JAK1: variants seen among roughly 807,000 people sequenced by gnomAD.
JAK1 encodes Janus kinase 1.
In JAK1, 16 loss-of-function variants were observed where a neutral mutation model predicts 136.6. The observed-to-expected ratio is 0.12, with a 90% CI of 0.08 to 0.18. The LOEUF is 0.18. JAK1 is among the 10% of genes least tolerant of loss of function. The pLI, the probability that JAK1 is intolerant of heterozygous loss-of-function variation, is 1.00. For missense variants in JAK1, 859 were observed against 1,450.1 expected, an observed-to-expected ratio of 0.59 and a Z score of 6.62; for synonymous variants, 492 against 519.5, an observed-to-expected ratio of 0.95 and a Z score of 0.72.
At chr1:64,891,237 G>C (rs1255509933) in intron 1 of JAK1, among the ~76,000 whole-genome samples, 2 of 152,132 alleles carry the variant, frequency 1.3e-5, no homozygotes, top group Non-Finnish European at 2.9e-5. Flanking sequence ...GAGGTTTTAC[G>C]CTAATCAGCG....
intron 1 of JAK1, among the ~76,000 whole-genome samples, chr1:64,928,782 A>AC (rs952619909): frequency 8.4e-6 from 1 of 119,358 alleles, no homozygotes; most frequent in African/African-American, 3.9e-5. Context: ...ACTCTGCAAA[A>AC]AAAAAAAAAA....
At chr1:64,907,833 C>T (rs985841921) in intron 1 of JAK1, among the ~76,000 whole-genome samples, 9 of 152,194 alleles carry the variant, frequency 5.9e-5, no homozygotes, top group Admixed American at 5.2e-4. Context: ...GCACATGTCT[C>T]TTTACTATCA....
At chr1:64,875,196 A>G (rs1657325612) in intron 4 of JAK1, among the ~76,000 whole-genome samples, 1 of 152,320 alleles carries the variant, frequency 6.6e-6, no homozygotes, top group East Asian at 1.9e-4. Flanking sequence ...GTCGCCCTCC[A>G]TTGCCAGGGG....
intron 2 of JAK1, among the ~76,000 whole-genome samples, chr1:64,999,092 G>C (rs1433334464): frequency 1.3e-5 from 2 of 152,136 alleles, no homozygotes; most frequent in East Asian, 3.9e-4. Context: ...CCTCAGGAAT[G>C]ATTTTTGGGG....
In JAK1 at chr1:64,851,852, T is replaced by C. The variant is rs1570636691; in HGVS notation, c.1649-942A>G. On this transcript the variant is annotated intron_variant, in intron 11 of 24. Transcript: ENST00000342505. ...AAATGACAACGAACATGCATTTCCC[T>C]TCACTTCCTCTTTCCTGCACTAGAA... Among the ~76,000 whole-genome samples the C allele has an allele frequency of 3.3e-5, 5 of 152,334 alleles. 1 individual carries two copies. Among genetic ancestry groups the C allele is most frequent in the Admixed American group, 3.3e-4 (5 of 15,302 alleles).
intron 2 of JAK1, among the ~76,000 whole-genome samples, chr1:65,028,650 G>A (rs890321058): frequency 2.6e-5 from 4 of 152,170 alleles, no homozygotes; most frequent in Non-Finnish European, 4.4e-5. Flanking sequence ...TTATAAAAAT[G>A]TGTCACTAAA....
chr1:64,873,467 T>C lies in JAK1; in HGVS notation c.386A>G (p.His129Arg). The change falls in exon 5 of 25, where the codon CAT becomes CGT. Residue 129 changes from histidine to arginine, a missense_variant. Transcript: ENST00000342505. ...GCCATTTTTCTGCTTCTTTGGAGAA[T>C]GACGCCACACTGACTGCTCATTGTC... The part of the protein sequence containing the change: ...TNDNEQSVWR[H>R]SPKKQKNGYE... 2 of 1,614,216 alleles carry C rather than the reference T, an allele frequency of 1.2e-6. No individual in the cohort carries two copies. Among genetic ancestry groups the C allele is most frequent in the African/African-American group, 1.3e-5 (1 of 75,052 alleles).
chr1:64,968,120 A>G (rs113303562), upstream of JAK1, among the ~76,000 whole-genome samples: 1,096 of 152,284 alleles, frequency 7.2e-3, 7 homozygotes, highest in Non-Finnish European at 0.012. Context: ...GTGAAAGAAC[A>G]GCATTTCAGG....
chr1:65,037,302 GT>G (rs1467428698), intron 2 of JAK1, among the ~76,000 whole-genome samples: 1 of 152,028 alleles, frequency 6.6e-6, no homozygotes, highest in Non-Finnish European at 1.5e-5. Context: ...ATCATATGAA[GT>G]TTTTTTGTTT....
At chr1:64,930,189 A>G (rs2100438656) in intron 1 of JAK1, among the ~76,000 whole-genome samples, 1 of 152,372 alleles carries the variant, frequency 6.6e-6, no homozygotes, top group Middle Eastern at 3.4e-3. Context: ...GCACGGCAAA[A>G]GAAACTATCA....
At chr1:65,019,984 G>T (rs910018439) in intron 2 of JAK1, among the ~76,000 whole-genome samples, 10 of 151,830 alleles carry the variant, frequency 6.6e-5, no homozygotes, top group African/African-American at 2.2e-4. Flanking sequence ...AAAGCACTTT[G>T]GGAGGCCAAG....
intron 1 of JAK1, among the ~76,000 whole-genome samples, chr1:65,058,967 T>C (rs549250885): frequency 6.6e-6 from 1 of 152,284 alleles, no homozygotes; most frequent in Admixed American, 6.5e-5. Context: ...GTCTTCAAAG[T>C]GCTCATAACC....
At chr1:64,920,845 CTGAGT>C (rs568458703) in intron 1 of JAK1, among the ~76,000 whole-genome samples, 5 of 152,252 alleles carry the variant, frequency 3.3e-5, no homozygotes, top group East Asian at 3.9e-4. Flanking sequence ...GATTCACTGA[CTGAGT>C]TAAGTATCAA....
intron 2 of JAK1, chr1:64,995,038 C>G (rs1318346468): frequency 1.3e-5 from 2 of 151,160 alleles, no homozygotes; most frequent in Non-Finnish European, 2.9e-5. Context: ...CCAAATTCTC[C>G]TCGTGTTGTC....
At position 64,844,816 on chromosome 1, in the gene JAK1, T is replaced by C. The variant is rs2100995083; in HGVS notation, c.2189A>G (p.Glu730Gly). The change falls in exon 16 of 25, where the codon GAG (glutamate) becomes GGG (glycine). Residue 730 changes from glutamate (E) to glycine (G), a missense_variant. Around this residue, in one of 4 missense-constraint regions of JAK1, gnomAD observed 409 missense variants for 753.8 expected, o/e 0.54. Coordinates refer to ENST00000342505, the MANE Select transcript of JAK1 (RefSeq NM_002227.4). This position sits in a 1 kb window ranked among gnomAD's most constrained non-coding sequence, Gnocchi z 5.7. ...ACTGAGCTTGATGAATGGGCCACAC[T>C]CACTGTCGATGCCCTCACGGGCCAG... Reference protein sequence around the residue: ...LLLAREGIDSECGPFIKLSDP... With the variant: ...LLLAREGIDSGCGPFIKLSDP... 1.2e-6 allele frequency: 2 copies of C among 1,614,144 alleles called. No individual in the cohort carries two copies. Among genetic ancestry groups the C allele is most frequent in the Non-Finnish European group, 1.7e-6 (2 of 1,180,012 alleles).
In JAK1 at chr1:64,855,513, G is replaced by A. The variant is rs1448766432; in HGVS notation, c.1644C>T (p.Pro548=). The A allele has an allele frequency of 1.2e-6, 2 of 1,613,728 alleles. No individual in the cohort carries two copies. The highest frequency in any genetic ancestry group is 1.3e-5 in the African/African-American group (1 of 74,928). ...CTCTGGCACAGGGAGACGAACCTCG[G>A]GGCTTGGGCTGGCAGCAGCGTTTTA... ...FMLKRCCQPK[P]REISNLLVAT... is the part of the protein sequence containing the mutation. Residue 548 remains proline, a synonymous_variant, in exon 11 of 25, where the codon CCC becomes CCT. Transcript: ENST00000342505.
At chr1:65,019,098 G>A (rs1257794934) in intron 2 of JAK1, among the ~76,000 whole-genome samples, 1 of 152,114 alleles carries the variant, frequency 6.6e-6, no homozygotes, top group Non-Finnish European at 1.5e-5. Flanking sequence ...ATCGTTTACA[G>A]AAAATCCACA....
intron 1 of JAK1, among the ~76,000 whole-genome samples, chr1:65,061,712 C>T (rs979374280): frequency 9.2e-5 from 14 of 152,124 alleles, no homozygotes; most frequent in African/African-American, 3.1e-4. Context: ...GCAAAAGTTG[C>T]TCAAATGTCC....
intron 2 of JAK1, among the ~76,000 whole-genome samples, chr1:65,011,959 G>C (rs1352745025): frequency 6.6e-6 from 1 of 152,226 alleles, no homozygotes; most frequent in Admixed American, 6.5e-5. Flanking sequence ...GTACAATTGG[G>C]TAGGCCCAGA....
Sources: gnomAD v4.1 joint callset for allele counts (sites outside exome capture counted in the v4.1 genomes callset) on GRCh38, gnomAD v4.1.1 for gene constraint, gnomAD v4.1.1 regional missense constraint, Gnocchi (gnomAD v3.1) non-coding constraint, MANE v1.5 for transcripts, NCBI Gene and HGNC (gene_info 2026-07-23, HGNC 2026-07-21) for gene names.